Variants in CTIF observed in about 807,000 individuals in gnomAD.
CTIF encodes cap binding complex dependent translation initiation factor.
CTIF carries 21 observed loss-of-function variants against 66.0 expected under a neutral mutation model. The ratio of observed to expected loss-of-function variants is 0.32; its 90% confidence interval spans 0.23 to 0.46. The LOEUF is 0.46. Among genes scored for constraint, CTIF ranks in the 20% least tolerant of loss-of-function variants. CTIF has a pLI of 1.00. For missense variants in CTIF, 739 were observed against 812.7 expected (o/e 0.91, Z 1.10); for synonymous variants, 345 against 326.4 (o/e 1.06, Z -0.62).
At position 48,862,660 on chromosome 18, in the gene CTIF, G is replaced by C. The variant is rs951395613; in HGVS notation, c.*3101G>C. On this transcript the variant is annotated 3_prime_UTR_variant, in exon 12 of 12. Coordinates refer to ENST00000256413, the MANE Select transcript of CTIF (RefSeq NM_014772.3). ...GGCCGAGTCGGTATTTATTCTGATT[G>C]ATTTTTATTTTATTCTATTATTTTC... 3.4e-5 allele frequency: 5 copies of C among 148,808 alleles called. No individual in the cohort carries two copies. Among genetic ancestry groups the C allele is most frequent in the African/African-American group, 1.3e-4 (5 of 37,842 alleles). 9.2% of individuals were successfully genotyped at this position (148,808 alleles called of 1,614,324 possible).
At chr18:48,681,336 T>C (rs2145148597) in intron 6 of CTIF, among the ~76,000 whole-genome samples, 1 of 152,290 alleles carries the variant, frequency 6.6e-6, no homozygotes, top group East Asian at 1.9e-4. Flanking sequence ...AGGCAGCCGA[T>C]GGCCAAACAA....
At chr18:48,712,098 A>T (rs527748391) in intron 7 of CTIF, among the ~76,000 whole-genome samples, 1 of 152,316 alleles carries the variant, frequency 6.6e-6, no homozygotes, top group African/African-American at 2.4e-5. Flanking sequence ...CCTGGAGCTC[A>T]CAAGTGCAAG....
chr18:48,766,371 A>T lies in CTIF; in HGVS notation c.1371+4682A>T, dbSNP rs192558579. Among the ~76,000 whole-genome samples, 20 of 152,266 alleles carry T rather than the reference A, an allele frequency of 1.3e-4. 1 individual carries two copies. The highest frequency in any genetic ancestry group is 4.8e-4 in the African/African-American group (20 of 41,562). On this transcript the variant is annotated intron_variant, in intron 9 of 11. Transcript: ENST00000256413. ...GGTTTGTAGGTGGTGGCTCTGTTTC[A>T]TAGATGGGCAAACTAAGGCACAGTC...
chr18:48,607,205 A>G (rs1295155064), intron 1 of CTIF, among the ~76,000 whole-genome samples: 1 of 152,230 alleles, frequency 6.6e-6, no homozygotes, highest in African/African-American at 2.4e-5. Context: ...AGGCCACTCC[A>G]GGAATCAGGG....
intron 1 of CTIF, among the ~76,000 whole-genome samples, chr18:48,585,060 T>C (rs2089737330): frequency 6.6e-6 from 1 of 152,112 alleles, no homozygotes; most frequent in Non-Finnish European, 1.5e-5. Flanking sequence ...TGTCTTTGGG[T>C]TTTCTGTAAT....
intron 6 of CTIF, among the ~76,000 whole-genome samples, chr18:48,670,978 C>G (rs1315854210): frequency 6.6e-6 from 1 of 152,200 alleles, no homozygotes; most frequent in African/African-American, 2.4e-5. Context: ...GCTGGCAGGC[C>G]TGATGTGCCC....
intron 7 of CTIF, among the ~76,000 whole-genome samples, chr18:48,717,097 G>A (rs879926690): frequency 6.6e-6 from 1 of 152,124 alleles, no homozygotes; most frequent in Non-Finnish European, 1.5e-5. Context: ...TCTAAATGTA[G>A]AACCAATTAA....
intron 3 of CTIF, among the ~76,000 whole-genome samples, chr18:48,650,117 T>C (rs765404733): frequency 6.6e-6 from 1 of 152,236 alleles, no homozygotes; most frequent in Non-Finnish European, 1.5e-5. Flanking sequence ...CAAAGCTGGA[T>C]GGAGAATGAC....
intron 7 of CTIF, among the ~76,000 whole-genome samples, chr18:48,745,568 C>T (rs2092589137): frequency 1.3e-5 from 2 of 152,266 alleles, no homozygotes; most frequent in South Asian, 2.1e-4. Context: ...TCTAAATGTA[C>T]TAGTTGTCTT....
chr18:48,764,870 A>G (rs1599000678), intron 9 of CTIF, among the ~76,000 whole-genome samples: 2 of 152,342 alleles, frequency 1.3e-5, no homozygotes, highest in East Asian at 3.9e-4. Context: ...GTGGCTAGAC[A>G]AGGCCCTTTC....
chr18:48,655,990 T>C lies in CTIF; in HGVS notation c.253-7762T>C, dbSNP rs28726296. Among the ~76,000 whole-genome samples, 682 of 152,346 alleles carry C rather than the reference T, an allele frequency of 4.5e-3. 9 individuals carry two copies. The highest frequency in any genetic ancestry group is 0.016 in the African/African-American group (654 of 41,572). ...TTGTTGTTTTCACTGCATCTGACTTTGTATGTTTTTCTATCATACAGCAAC... is the reference window on the plus strand; with the variant it reads ...TTGTTGTTTTCACTGCATCTGACTTCGTATGTTTTTCTATCATACAGCAAC... On this transcript the variant is annotated intron_variant, in intron 3 of 11. Transcript: ENST00000256413.
At chr18:48,732,313 G>A (rs916187549) in intron 7 of CTIF, among the ~76,000 whole-genome samples, 1 of 152,154 alleles carries the variant, frequency 6.6e-6, no homozygotes, top group Non-Finnish European at 1.5e-5. Flanking sequence ...AGAAGAACCT[G>A]GAAGGCTGTA....
In CTIF at chr18:48,758,148, A is replaced by G; in HGVS notation, c.814A>G (p.Lys272Glu). The change falls in exon 8 of 12, where the codon AAA becomes GAA. Residue 272 changes from lysine (K) to glutamate (E), a missense_variant. Lys to Glu is a moderately conservative substitution (Grantham distance 56). Transcript: ENST00000256413. ...GGAGGCAGGCGCACACCGCAATGCC[A>G]AAGAGACCATGACCATCGAGAACCC... Reference protein sequence around the residue: ...KGEAGAHRNAKETMTIENPKL... With the variant: ...KGEAGAHRNAEETMTIENPKL... The G allele has an allele frequency of 6.2e-7, 1 of 1,614,024 alleles. No individual in the cohort carries two copies.
intron 9 of CTIF, among the ~76,000 whole-genome samples, chr18:48,800,768 G>C (rs2068033457): frequency 6.6e-6 from 1 of 152,238 alleles, no homozygotes; most frequent in South Asian, 2.1e-4. Context: ...CCAGGTCCAA[G>C]GGCTGAGTGG....
At chr18:48,652,713 G>A (rs977134440) in intron 3 of CTIF, among the ~76,000 whole-genome samples, 36 of 152,264 alleles carry the variant, frequency 2.4e-4, no homozygotes, top group African/African-American at 8.2e-4. Context: ...GATGAACATC[G>A]ATGTGAAAAT....
At chr18:48,606,680 G>A (rs1331988202) in intron 1 of CTIF, among the ~76,000 whole-genome samples, 1 of 152,168 alleles carries the variant, frequency 6.6e-6, no homozygotes, top group East Asian at 1.9e-4. Flanking sequence ...GGGATGTTGG[G>A]CAAGGGCTGG....
intron 1 of CTIF, among the ~76,000 whole-genome samples, chr18:48,549,082 G>A (rs925477963): frequency 3.3e-5 from 5 of 152,210 alleles, no homozygotes; most frequent in Admixed American, 3.3e-4. Flanking sequence ...GGGCCAGGGA[G>A]GGCGTATGCA....
chr18:48,572,437 G>T (rs1309175393), intron 1 of CTIF, among the ~76,000 whole-genome samples: 1 of 152,186 alleles, frequency 6.6e-6, no homozygotes, highest in African/African-American at 2.4e-5. Flanking sequence ...GGTTGCCTGT[G>T]TGGCTATCGG....
At chr18:48,807,580 GTTT>G (rs36110913) in intron 9 of CTIF, among the ~76,000 whole-genome samples, 4 of 102,828 alleles carry the variant, frequency 3.9e-5, no homozygotes, top group African/African-American at 7.3e-5. Context: ...TTGTTGTTGT[GTTT>G]TTTTTTTTTT....
Sources: gnomAD v4.1 joint callset for allele counts (sites outside exome capture counted in the v4.1 genomes callset) on GRCh38, gnomAD v4.1.1 for gene constraint, MANE v1.5 for transcripts, NCBI Gene and HGNC (gene_info 2026-07-23, HGNC 2026-07-21) for gene names.